The following ZNF469 variants were observed in gnomAD, a reference collection of about 807,000 sequenced individuals.
The protein encoded by ZNF469 is zinc finger protein 469.
Under a neutral mutation model 1.0 loss-of-function variants are expected in ZNF469, and 1 was observed. The ratio of observed to expected loss-of-function variants is 1.00; its 90% CI spans 0.35 to 4.73. ZNF469 has a LOEUF of 4.73. ZNF469 is among the 30% of genes most tolerant of loss of function. The pLI, the probability that ZNF469 is intolerant of heterozygous loss-of-function variation, is 0.16. For missense variants in ZNF469, 6,100 were observed against 5,356.3 expected (o/e 1.14, Z -4.33); for synonymous variants, 2,703 against 2,363.4 (o/e 1.14, Z -4.17).
At chr16:88,347,790 C>T in the ZNF469 span, among the ~76,000 whole-genome samples, 1 of 152,214 alleles carries the variant, frequency 6.6e-6, no homozygotes, top group Non-Finnish European at 1.5e-5. Flanking sequence ...AGTCCTGGGC[C>T]ACGCCCAGCA....
chr16:88,330,286 G>A, the ZNF469 span, among the ~76,000 whole-genome samples: 41 of 152,302 alleles, frequency 2.7e-4, no homozygotes, highest in African/African-American at 7.7e-4. Flanking sequence ...GTGCACATGC[G>A]AAGGCCCTTC....
At chr16:88,414,111 C>A (rs1296816736) in intron 1 of ZNF469, among the ~76,000 whole-genome samples, 1 of 152,198 alleles carries the variant, frequency 6.6e-6, no homozygotes, top group Admixed American at 6.5e-5. Flanking sequence ...TCAGGGCTGG[C>A]TGCCTGCAGT....
chr16:88,438,400 C>A lies in ZNF469; in HGVS notation c.10930C>A (p.Leu3644Ile). ...TGACCATTTCCAGGAAGACCACCTA[C>A]TTCAGAAAGAGAAGGAGGTGTCCTC... ...APDHFQEDHL[L>I]QKEKEVSSSH... The change falls in exon 3 of 3, where the codon CTT becomes ATT. Residue 3644 changes from leucine (L) to isoleucine (I), a missense_variant. Coordinates refer to ENST00000565624, the MANE Select transcript of ZNF469 (RefSeq NM_001367624.2). 6.5e-7 allele frequency: 1 copy of A among 1,550,130 alleles called. No individual in the cohort carries two copies. Among genetic ancestry groups the A allele is most frequent in the Non-Finnish European group, 8.7e-7 (1 of 1,146,944 alleles).
intron 1 of ZNF469, among the ~76,000 whole-genome samples, chr16:88,399,802 C>G (rs990567771): frequency 6.6e-6 from 1 of 152,216 alleles, no homozygotes; most frequent in Non-Finnish European, 1.5e-5. Context: ...CGCCCAATCT[C>G]GCAGGAGTGC....
At chr16:88,293,328 G>GGATGGATA in the ZNF469 span, among the ~76,000 whole-genome samples, 1 of 151,486 alleles carries the variant, frequency 6.6e-6, no homozygotes, top group African/African-American at 2.4e-5. Context: ...ATGGATGGAT[G>GGATGGATA]GATGGATGGA....
chr16:88,398,313 A>G (rs1032413749), intron 1 of ZNF469, among the ~76,000 whole-genome samples: 3 of 152,292 alleles, frequency 2.0e-5, no homozygotes, highest in South Asian at 4.1e-4. Flanking sequence ...CGTGAGTCAC[A>G]GATGAAGGGC....
At chr16:88,302,862 C>G in the ZNF469 span, among the ~76,000 whole-genome samples, 27 of 152,336 alleles carry the variant, frequency 1.8e-4, no homozygotes, top group Middle Eastern at 6.8e-3. Flanking sequence ...GCCACCACTA[C>G]AGAACCCCTC....
chr16:88,141,406 T>C, the ZNF469 span, among the ~76,000 whole-genome samples: 6,032 of 61,060 alleles, frequency 0.099, 899 homozygotes, highest in African/African-American at 0.24. Context: ...TGCTATGAAA[T>C]GCTCAGCCTG....
the ZNF469 span, among the ~76,000 whole-genome samples, chr16:88,185,439 C>A: frequency 2.0e-5 from 3 of 151,972 alleles, no homozygotes; most frequent in African/African-American, 7.3e-5. Context: ...GAAACACATG[C>A]ATACACACTT....
chr16:88,119,131 C>G, the ZNF469 span, among the ~76,000 whole-genome samples: 1 of 152,178 alleles, frequency 6.6e-6, no homozygotes, highest in Non-Finnish European at 1.5e-5. Flanking sequence ...TAACGTTTGT[C>G]CAGTCCTTGA....
At chr16:88,401,696 T>C (rs1164645544) in intron 1 of ZNF469, among the ~76,000 whole-genome samples, 1 of 136,584 alleles carries the variant, frequency 7.3e-6, no homozygotes, top group African/African-American at 2.8e-5. Flanking sequence ...GATGGATGGA[T>C]GGATGGATAT....
chr16:88,332,421 C>T, the ZNF469 span, among the ~76,000 whole-genome samples: 3 of 152,196 alleles, frequency 2.0e-5, no homozygotes, highest in East Asian at 1.9e-4. Flanking sequence ...CCCTCTGTGC[C>T]GGCTCTCCTG....
chr16:88,429,450 C>T lies in ZNF469; in HGVS notation c.1980C>T (p.His660=). The part of the protein sequence containing the change: ...SPEPPHSLPT[H]YQPEPAKAFP... Reference sequence around the variant, plus strand: ...AGCCCCCCCACTCCCTCCCCACCCACTACCAGCCAGAGCCAGCCAAGGCCT... The same window carrying T: ...AGCCCCCCCACTCCCTCCCCACCCATTACCAGCCAGAGCCAGCCAAGGCCT... Residue 660 remains histidine, a synonymous_variant, in exon 3 of 3, where the codon CAC becomes CAT. Coordinates refer to ENST00000565624, the MANE Select transcript of ZNF469 (RefSeq NM_001367624.2). The T allele has an allele frequency of 6.5e-7, 1 of 1,549,246 alleles. No individual in the cohort carries two copies. The highest frequency in any genetic ancestry group is 8.7e-7 in the Non-Finnish European group (1 of 1,146,180).
the ZNF469 span, among the ~76,000 whole-genome samples, chr16:88,155,913 A>G: frequency 6.6e-6 from 1 of 152,162 alleles, no homozygotes; most frequent in Non-Finnish European, 1.5e-5. Flanking sequence ...ATCAGCACTC[A>G]CTGCTGTCTG....
chr16:88,420,802 T>G (rs985465063), intron 1 of ZNF469, among the ~76,000 whole-genome samples: 1 of 152,200 alleles, frequency 6.6e-6, no homozygotes, highest in Non-Finnish European at 1.5e-5. Flanking sequence ...CATCCCCATT[T>G]CACAGGTGGG....
chr16:88,386,000 C>T (rs1260202879), intron 1 of ZNF469, among the ~76,000 whole-genome samples: 1 of 152,202 alleles, frequency 6.6e-6, no homozygotes, highest in Non-Finnish European at 1.5e-5. Flanking sequence ...CTGAGTGGTG[C>T]AAGGTGCCAG....
chr16:88,193,099 T>A, the ZNF469 span, among the ~76,000 whole-genome samples: 19 of 13,774 alleles, frequency 1.4e-3, no homozygotes, highest in South Asian at 3.4e-3. Context: ...GGTGATGGTG[T>A]TGATGGTGGT....
rs978918654 is a variant in ZNF469 at position 88,434,317 on chromosome 16, G to A, written c.6847G>A (p.Val2283Ile). Residue 2283 changes from valine to isoleucine, a missense_variant, in exon 3 of 3, where the codon GTC (valine) becomes ATC (isoleucine). Transcript: ENST00000565624. ...LAGAVSPSVA[V>I]RATGLSSTPT... ...AGGGGCCGTCTCCCCCAGCGTGGCC[G>A]TCAGGGCTACTGGCCTGTCCAGCAC... is the stretch of plus-strand genomic sequence containing the variant. 11 of 1,550,196 alleles carry A rather than the reference G, an allele frequency of 7.1e-6. No homozygotes were observed. Among genetic ancestry groups the A allele is most frequent in the Admixed American group, 3.9e-5 (2 of 50,988 alleles).
chr16:88,339,785 C>A, the ZNF469 span, among the ~76,000 whole-genome samples: 1 of 63,632 alleles, frequency 1.6e-5, no homozygotes, highest in Non-Finnish European at 3.0e-5. Flanking sequence ...GACATGGTGG[C>A]AGGGGGATGG....
Sources: allele counts gnomAD v4.1 joint callset (sites outside exome capture counted in the v4.1 genomes callset), GRCh38; gene constraint gnomAD v4.1.1; transcripts MANE v1.5; gene names NCBI Gene and HGNC (gene_info 2026-07-23, HGNC 2026-07-21).